Variants in SMYD2 observed in about 807,000 individuals in gnomAD.
SMYD2 encodes SET and MYND domain containing 2.
Under a neutral mutation model 59.1 loss-of-function variants are expected in SMYD2, and 53 were observed. The observed-to-expected ratio is 0.90, with a 90% CI of 0.72 to 1.13. The LOEUF (loss-of-function observed/expected upper bound fraction) is 1.13, where lower values mean the gene tolerates loss of function less well. SMYD2 is among the 50% of genes most tolerant of loss of function. SMYD2 has a pLI of 0.00. For synonymous variants in SMYD2, 208 were observed against 198.8 expected (o/e 1.05, Z -0.39); for missense variants, 494 against 544.7 (o/e 0.91, Z 0.93).
At chr1:214,314,038 G>A (rs924722944) in intron 2 of SMYD2, among the ~76,000 whole-genome samples, 9 of 152,098 alleles carry the variant, frequency 5.9e-5, no homozygotes, top group Non-Finnish European at 1.2e-4. Context: ...TTAGCCGGGC[G>A]TAGTGGCACA....
chr1:214,322,954 G>T (rs148587141), intron 5 of SMYD2, among the ~76,000 whole-genome samples: 1 of 152,204 alleles, frequency 6.6e-6, no homozygotes, highest in South Asian at 2.1e-4. Context: ...GGCCTGAATT[G>T]TAACAGTGCA....
Position 214,336,867 on chromosome 1 carries a change from C to A in SMYD2, c.*83C>A, listed in dbSNP as rs1003989661. The A allele has an allele frequency of 3.5e-6, 4 of 1,146,028 alleles. No individual in the cohort carries two copies. Among genetic ancestry groups the A allele is most frequent in the Non-Finnish European group, 5.0e-6 (4 of 799,788 alleles). 71.0% of individuals were successfully genotyped at this position (1,146,028 alleles called of 1,614,324 possible). A position where few individuals can be genotyped will look rare whatever the true frequency, so the allele number is the denominator to read the frequency against. On this transcript the variant is annotated 3_prime_UTR_variant, in exon 12 of 12. Coordinates refer to ENST00000366957, the MANE Select transcript of SMYD2 (RefSeq NM_020197.3). ...TGAATATTTCAAATTGCACACGTCA[C>A]TCCAGCATCTCTGTAAAATAATTGG...
intron 6 of SMYD2, 91 bp downstream of exon 6, chr1:214,324,799 A>C: frequency 1.8e-6 from 2 of 1,140,612 alleles, no homozygotes; most frequent in Non-Finnish European, 2.6e-6. Context: ...ACCTAACTGC[A>C]TGTGGCAGAC....
rs758341616 is a variant in SMYD2 at position 214,305,218 on chromosome 1, A to G, written c.205A>G (p.Lys69Glu). The G allele has an allele frequency of 5.0e-6, 8 of 1,614,122 alleles. No individual in the cohort carries two copies. Among genetic ancestry groups the G allele is most frequent in the Non-Finnish European group, 6.8e-6 (8 of 1,180,048 alleles). Residue 69 changes from lysine to glutamate, a missense_variant, in exon 2 of 12, where the codon AAG (lysine) becomes GAG (glutamate). By Grantham distance (56) the Lys-to-Glu change is moderately conservative. Transcript: ENST00000366957. Reference sequence around the variant, plus strand: ...AGGATTGTCCAAATGTGGAAGATGCAAGCAGGCATTTTACTGCAATGTGGA... The same window carrying G: ...AGGATTGTCCAAATGTGGAAGATGCGAGCAGGCATTTTACTGCAATGTGGA... ...KEGLSKCGRC[K>E]QAFYCNVECQ...
intron 1 of SMYD2, among the ~76,000 whole-genome samples, chr1:214,297,838 T>G (rs1243966900): frequency 3.3e-5 from 5 of 152,186 alleles, no homozygotes; most frequent in Non-Finnish European, 7.3e-5. Flanking sequence ...TTCTCTGCTC[T>G]GAAGGCAAGC....
chr1:214,335,059 T>C (rs1657414718), intron 11 of SMYD2, among the ~76,000 whole-genome samples: 1 of 152,222 alleles, frequency 6.6e-6, no homozygotes, highest in African/African-American at 2.4e-5. Flanking sequence ...TTGATTCTCA[T>C]TGTTTGTGAT....
intron 6 of SMYD2, among the ~76,000 whole-genome samples, chr1:214,325,713 T>G (rs1190650023): frequency 6.6e-6 from 1 of 151,906 alleles, no homozygotes; most frequent in Non-Finnish European, 1.5e-5. Flanking sequence ...CATGTAATAT[T>G]TGTCCTTGGG....
chr1:214,327,618 A>T lies in SMYD2; in HGVS notation c.603-4A>T, dbSNP rs1657283629. ...AAAACTGGGTTTTCTCTTCTGACTG[A>T]CAGTGTTGCATTGATGAATCATAGC... On this transcript the variant is annotated splice_region_variant and splice_polypyrimidine_tract_variant and intron_variant, in intron 6 of 11. Coordinates refer to ENST00000366957, the MANE Select transcript of SMYD2 (RefSeq NM_020197.3). 1.9e-6 allele frequency: 3 copies of T among 1,613,374 alleles called. No individual in the cohort carries two copies. The highest frequency in any genetic ancestry group is 3.3e-5 in the Admixed American group (2 of 59,998).
intron 1 of SMYD2, among the ~76,000 whole-genome samples, chr1:214,300,827 CT>C (rs1558050765): frequency 1.3e-5 from 2 of 152,152 alleles, no homozygotes; most frequent in South Asian, 4.1e-4. Flanking sequence ...ATAATAATAG[CT>C]TCTTCTTAGA....
In SMYD2 at chr1:214,312,148, G is replaced by C. The variant is rs1239460096; in HGVS notation, c.238-2614G>C. On this transcript the variant is annotated intron_variant, in intron 2 of 11. Transcript: ENST00000366957. This position sits in a 1 kb window ranked among gnomAD's most constrained non-coding sequence, Gnocchi z 4.1. Reference sequence around the variant, plus strand: ...TCATTTCTTTTCCTCCCTGCTCTTAGTTATATTTGGCGCGGCATTATTTAA... The same window carrying C: ...TCATTTCTTTTCCTCCCTGCTCTTACTTATATTTGGCGCGGCATTATTTAA... Among the ~76,000 whole-genome samples, 1 of 152,134 alleles carries C rather than the reference G, an allele frequency of 6.6e-6. No individual in the cohort carries two copies. Among genetic ancestry groups the C allele is most frequent in the Non-Finnish European group, 1.5e-5 (1 of 68,038 alleles).
At chr1:214,285,577 A>T (rs1403272911) in intron 1 of SMYD2, among the ~76,000 whole-genome samples, 1 of 152,264 alleles carries the variant, frequency 6.6e-6, no homozygotes, top group Non-Finnish European at 1.5e-5. Context: ...AGACTAAAAC[A>T]TACATACAAC....
chr1:214,309,285 C>G (rs193242606), intron 2 of SMYD2, among the ~76,000 whole-genome samples: 1 of 151,956 alleles, frequency 6.6e-6, no homozygotes, highest in African/African-American at 2.4e-5. Context: ...TAGTTGGGTG[C>G]GTTATTTTGT....
At chr1:214,328,065 A>G (rs1217251323) in intron 7 of SMYD2, among the ~76,000 whole-genome samples, 1 of 152,160 alleles carries the variant, frequency 6.6e-6, no homozygotes, top group Non-Finnish European at 1.5e-5. Flanking sequence ...CAAACTTTTG[A>G]TTATCTTTAG....
At chr1:214,290,118 A>G (rs1212238418) in intron 1 of SMYD2, among the ~76,000 whole-genome samples, 3 of 152,224 alleles carry the variant, frequency 2.0e-5, no homozygotes, top group Admixed American at 6.5e-5. Context: ...TTCAATTGCA[A>G]AGGCGTTCAC....
At chr1:214,304,789 G>A (rs1016494444) in intron 1 of SMYD2, among the ~76,000 whole-genome samples, 2 of 152,120 alleles carry the variant, frequency 1.3e-5, no homozygotes, top group African/African-American at 4.8e-5. Flanking sequence ...TTTTATTTCT[G>A]TGCCTCTTTA....
chr1:214,329,752 C>T (rs1014441900), intron 7 of SMYD2, among the ~76,000 whole-genome samples: 2 of 152,226 alleles, frequency 1.3e-5, no homozygotes, highest in African/African-American at 4.8e-5. Context: ...TGCTCATGCC[C>T]TCCCCTGCAC....
intron 2 of SMYD2, among the ~76,000 whole-genome samples, chr1:214,309,494 A>G (rs1245061569): frequency 6.6e-6 from 1 of 152,240 alleles, no homozygotes; most frequent in African/African-American, 2.4e-5. Flanking sequence ...AATGTAAAGA[A>G]GAAAACCTTT....
At chr1:214,301,787 AG>A (rs1656828771) in intron 1 of SMYD2, among the ~76,000 whole-genome samples, 1 of 140,596 alleles carries the variant, frequency 7.1e-6, no homozygotes, top group African/African-American at 2.6e-5. Context: ...AAAAAAAAAA[AG>A]CCAGGAATTT....
chr1:214,316,891 G>A (rs775978841), intron 3 of SMYD2, among the ~76,000 whole-genome samples: 4 of 152,214 alleles, frequency 2.6e-5, no homozygotes, highest in African/African-American at 4.8e-5. Flanking sequence ...GAATAAGTCA[G>A]AGGGAATAGG....
Sources: allele counts gnomAD v4.1 joint callset (sites outside exome capture counted in the v4.1 genomes callset), GRCh38; gene constraint gnomAD v4.1.1; non-coding constraint Gnocchi (gnomAD v3.1); transcripts MANE v1.5; gene names NCBI Gene and HGNC (gene_info 2026-07-23, HGNC 2026-07-21).